Variants in KREMEN1 observed in about 807,000 individuals in gnomAD.
The protein encoded by KREMEN1 is kremen protein 1.
KREMEN1 carries 30 observed loss-of-function variants against 46.5 expected under a neutral mutation model. The ratio of observed to expected loss-of-function variants is 0.65; its 90% CI spans 0.48 to 0.88. KREMEN1 has a LOEUF of 0.88. Among genes scored for constraint, KREMEN1 ranks in the 40% least tolerant of loss-of-function variants. KREMEN1 has a pLI of 0.00. For missense variants in KREMEN1, 533 were observed against 596.9 expected, an observed-to-expected ratio of 0.89 and a Z score of 1.11; for synonymous variants, 214 against 230.6, an observed-to-expected ratio of 0.93 and a Z score of 0.65.
rs1380109662 is a variant in KREMEN1 at position 29,098,848 on chromosome 22, C to T, written c.261-14C>T. The T allele has an allele frequency of 1.9e-6, 3 of 1,604,306 alleles. No individual in the cohort carries two copies. Among genetic ancestry groups the T allele is most frequent in the Non-Finnish European group, 8.5e-7 (1 of 1,171,176 alleles). ...AACATCAGAAGTCATCAATTGTGTC[C>T]TTTTCCCCAACAGAAATCCAGATGG... On this transcript the variant is annotated splice_polypyrimidine_tract_variant and intron_variant, in intron 2 of 8. Transcript: ENST00000400335.
intron 9 of KREMEN1, among the ~76,000 whole-genome samples, chr22:29,160,539 C>CAA (rs132303): frequency 6.8e-5 from 7 of 103,490 alleles, no homozygotes; most frequent in Admixed American, 1.0e-4. Context: ...GACTCCGTCT[C>CAA]AAAAAAAAAA....
At chr22:29,138,207 C>T (rs150452514) in intron 6 of KREMEN1, among the ~76,000 whole-genome samples, 2 of 152,376 alleles carry the variant, frequency 1.3e-5, no homozygotes, top group East Asian at 1.9e-4. Context: ...GGATAGCAAA[C>T]CTCAAGAAGA....
rs566546109 is a variant in KREMEN1, at chr22:29,165,716, A to G, written c.1417-1328A>G. Among the ~76,000 whole-genome samples, 38 of 152,300 alleles carry G rather than the reference A, an allele frequency of 2.5e-4. 1 individual carries two copies. In the South Asian group the frequency reaches 6.8e-3, roughly 27 times the overall value. ...CTGTCCTTGGCTATGTTGGAGCTCT[A>G]TGGTATGCAGAGGCAATACAAGCAA... On this transcript the variant is annotated intron_variant, in intron 9 of 9. Coordinates refer to the KREMEN1 transcript ENST00000327813.
chr22:29,103,095 A>G (rs16987083), intron 3 of KREMEN1, among the ~76,000 whole-genome samples: 13,001 of 152,238 alleles, frequency 0.085, 773 homozygotes, highest in African/African-American at 0.16. Flanking sequence ...AGATACAGCC[A>G]TCCTATTTTA....
At position 29,145,995 on chromosome 22, in the gene KREMEN1, A is replaced by G. The variant is rs951890876; in HGVS notation, c.*3883A>G. The G allele has an allele frequency of 4.1e-6, 4 of 985,778 alleles. No homozygotes were observed. In the South Asian group the frequency reaches 1.4e-4, roughly 35 times the overall value. The allele number at this position is 985,778 out of a possible 1,614,324, so 61.1% of individuals were successfully genotyped here. ...CCAGGCCATCACCCAGCCCCGATGC[A>G]TCCTGGCACTGCACGCTTACTCTTC... On this transcript the variant is annotated 3_prime_UTR_variant, in exon 9 of 9. Transcript: ENST00000400335.
chr22:29,160,143 T>C (rs1026109417), intron 9 of KREMEN1, among the ~76,000 whole-genome samples: 2 of 152,110 alleles, frequency 1.3e-5, no homozygotes, highest in South Asian at 2.1e-4. Context: ...ATCAACCACA[T>C]GCTCAGCCAT....
At chr22:29,111,083 G>A (rs1481069175) in intron 3 of KREMEN1, among the ~76,000 whole-genome samples, 1 of 151,636 alleles carries the variant, frequency 6.6e-6, no homozygotes, top group Non-Finnish European at 1.5e-5. Flanking sequence ...GAGGCAGGAG[G>A]ATCACTGGAG....
intron 1 of KREMEN1, among the ~76,000 whole-genome samples, chr22:29,078,050 G>A (rs2037599283): frequency 6.6e-6 from 1 of 152,142 alleles, no homozygotes; most frequent in South Asian, 2.1e-4. Context: ...CCAGGAGTTT[G>A]AGACCAGCCT....
Position 29,098,894 on chromosome 22 carries a change from A to G in KREMEN1, c.293A>G (p.Tyr98Cys), listed in dbSNP as rs750419951. 1.9e-6 allele frequency: 3 copies of G among 1,614,044 alleles called. No homozygotes were observed. The East Asian group carries it at 6.7e-5, about 36-fold the overall frequency. Reference sequence around the variant, plus strand: ...GATGGAGACGTGAGCCCCTGGTGCTATGTGGCAGAGCACGAGGATGGTGTC... The same window carrying G: ...GATGGAGACGTGAGCCCCTGGTGCTGTGTGGCAGAGCACGAGGATGGTGTC... ...NPDGDVSPWC[Y>C]VAEHEDGVYW... The change falls in exon 3 of 9, where the codon TAT becomes TGT. Residue 98 changes from tyrosine to cysteine, a missense_variant. Transcript: ENST00000400335.
Position 29,122,940 on chromosome 22 carries a change from C to CA in KREMEN1, c.477+1485dup, listed in dbSNP as rs140855395. ...TGGGCAACAGGGCGAGACTCTGTCTCAAAAAAAAAAAAAAAAAAAAAAAAA... is the reference window on the plus strand; with the variant it reads ...TGGGCAACAGGGCGAGACTCTGTCTCAAAAAAAAAAAAAAAAAAAAAAAAAA... On this transcript the variant is annotated intron_variant, in intron 4 of 8. Coordinates refer to ENST00000400335, the MANE Select transcript of KREMEN1 (RefSeq NM_001039570.3). Among the ~76,000 whole-genome samples the CA allele has an allele frequency of 4.7e-3, 266 of 56,440 alleles. 21 individuals carry two copies. The highest frequency in any genetic ancestry group is 0.014 in the Middle Eastern group (1 of 70). The allele number at this position is 56,440 out of a possible 152,430, so 37.0% of individuals were successfully genotyped here.
rs202038443 is a variant in KREMEN1, at chr22:29,137,498, T to C, written c.788T>C (p.Ile263Thr). 1.2e-6 allele frequency: 2 copies of C among 1,610,580 alleles called. No homozygotes were observed. Among genetic ancestry groups the C allele is most frequent in the Non-Finnish European group, 1.7e-6 (2 of 1,177,048 alleles). ...CACTTCAGCTTCCCCCTATTTGACA[T>C]CAGGGACTCGGCGGACATGGTGGAG... ...HIHFSFPLFD[I>T]RDSADMVELL... is the part of the protein sequence containing the mutation. The change falls in exon 6 of 9, where the codon ATC (isoleucine) becomes ACC (threonine). Residue 263 changes from isoleucine (I) to threonine (T), a missense_variant. Physicochemically the swap from Ile to Thr is moderately conservative, Grantham distance 89. Coordinates refer to ENST00000400335, the MANE Select transcript of KREMEN1 (RefSeq NM_001039570.3).
At chr22:29,133,421 C>G (rs1319466684) in intron 5 of KREMEN1, among the ~76,000 whole-genome samples, 25 of 151,928 alleles carry the variant, frequency 1.6e-4, no homozygotes, top group Non-Finnish European at 5.9e-5. Context: ...CTGCCTTAGC[C>G]TCCTGAGTAG....
chr22:29,101,228 G>A (rs1182921362), intron 3 of KREMEN1, among the ~76,000 whole-genome samples: 1 of 133,074 alleles, frequency 7.5e-6, no homozygotes, highest in Non-Finnish European at 1.5e-5. Flanking sequence ...CTCCAATCTG[G>A]GAAACACAAC....
intron 9 of KREMEN1, among the ~76,000 whole-genome samples, chr22:29,159,119 C>G (rs896693682): frequency 2.3e-5 from 3 of 129,798 alleles, no homozygotes; most frequent in East Asian, 2.5e-4. Flanking sequence ...GGTGCCCAGC[C>G]AAGTGTTTTT....
chr22:29,144,329 A>G lies in KREMEN1; in HGVS notation c.*2217A>G, dbSNP rs1262778613. The G allele has an allele frequency of 2.0e-6, 2 of 985,758 alleles. No individual in the cohort carries two copies. The highest frequency in any genetic ancestry group is 3.5e-5 in the African/African-American group (2 of 57,264). The allele number at this position is 985,758 out of a possible 1,614,324, so 61.1% of individuals were successfully genotyped here. A position where few individuals can be genotyped will look rare whatever the true frequency, so the allele number is the denominator to read the frequency against. ...AGGTGGCACTCGGCAGCCTGAGTTC[A>G]GGAGAGGTGCTTGGAGCTTCAGGCA... On this transcript the variant is annotated 3_prime_UTR_variant, in exon 9 of 9. Transcript: ENST00000400335.
chr22:29,116,985 G>A (rs545631812), intron 3 of KREMEN1, among the ~76,000 whole-genome samples: 1 of 152,308 alleles, frequency 6.6e-6, no homozygotes, highest in African/African-American at 2.4e-5. Context: ...TAACTTTTGT[G>A]TGGTGAGCCA....
intron 9 of KREMEN1, among the ~76,000 whole-genome samples, chr22:29,164,329 A>G (rs1267068883): frequency 6.6e-6 from 1 of 152,242 alleles, no homozygotes; most frequent in African/African-American, 2.4e-5. Context: ...GCCTGGCACA[A>G]TGATCTCAAT....
rs369977022 is a variant in KREMEN1, at chr22:29,125,417, G to T, written c.631+1G>T. ...GATGGCAGGATCATCCTCTTTGATA[G>T]TGAGTATGCCCTGTGCCCATCACTG... On this transcript the variant is annotated splice_donor_variant, in intron 5 of 8. Coordinates refer to ENST00000400335, the MANE Select transcript of KREMEN1 (RefSeq NM_001039570.3). LOFTEE classifies it high-confidence loss of function. 96 of 1,614,010 alleles carry T rather than the reference G, an allele frequency of 5.9e-5. No homozygotes were observed. The highest frequency in any genetic ancestry group is 7.9e-5 in the Non-Finnish European group (93 of 1,180,028).
At chr22:29,160,174 C>A (rs1015339163) in intron 9 of KREMEN1, among the ~76,000 whole-genome samples, 2 of 151,812 alleles carry the variant, frequency 1.3e-5, no homozygotes, top group Non-Finnish European at 2.9e-5. Flanking sequence ...TCAATACATT[C>A]AAAAAAATCA....
Sources: allele counts gnomAD v4.1 joint callset (sites outside exome capture counted in the v4.1 genomes callset), GRCh38; gene constraint gnomAD v4.1.1; transcripts MANE v1.5; gene names NCBI Gene and HGNC (gene_info 2026-07-23, HGNC 2026-07-21).